The following KIF20B variants were observed in gnomAD, a reference collection of about 807,000 sequenced individuals.
KIF20B encodes kinesin family member 20B.
In KIF20B, 188 loss-of-function variants were observed where a neutral mutation model predicts 232.5. The ratio of observed to expected loss-of-function variants is 0.81; its 90% confidence interval spans 0.72 to 0.91. The LOEUF is 0.91. Among genes scored for constraint, KIF20B ranks in the 40% least tolerant of loss-of-function variants. The pLI, the probability that KIF20B is intolerant of heterozygous loss-of-function variation, is 0.00. For missense variants in KIF20B, 2,154 were observed against 2,055.9 expected, an observed-to-expected ratio of 1.05 and a Z score of -0.92; for synonymous variants, 712 against 683.0, an observed-to-expected ratio of 1.04 and a Z score of -0.66.
chr10:89,730,573 A>G (rs1843296869), intron 18 of KIF20B, among the ~76,000 whole-genome samples: 1 of 152,220 alleles, frequency 6.6e-6, no homozygotes, highest in South Asian at 2.1e-4. Flanking sequence ...GGAAGGGGAC[A>G]GTGGTAGTCA....
chr10:89,771,660 G>A lies in KIF20B; in HGVS notation c.5243-1029G>A, dbSNP rs143831984. ...GCCTTCTTATGGAGGGGAACAGGAGGGGGAACCTTGAAGACGCTTTTCTCC... is the reference window on the plus strand; with the variant it reads ...GCCTTCTTATGGAGGGGAACAGGAGAGGGAACCTTGAAGACGCTTTTCTCC... On this transcript the variant is annotated intron_variant, in intron 31 of 32. Coordinates refer to ENST00000371728, the MANE Select transcript of KIF20B (RefSeq NM_001284259.2). Among the ~76,000 whole-genome samples, 431 of 152,046 alleles carry A rather than the reference G, an allele frequency of 2.8e-3. 2 individuals carry two copies. Among genetic ancestry groups the A allele is most frequent in the African/African-American group, 9.1e-3 (376 of 41,498 alleles).
chr10:89,768,857 A>G lies in KIF20B; in HGVS notation c.5211A>G (p.Leu1737=), dbSNP rs1293376458. The G allele has an allele frequency of 3.7e-6, 6 of 1,603,586 alleles. No homozygotes were observed. Among genetic ancestry groups the G allele is most frequent in the Non-Finnish European group, 5.1e-6 (6 of 1,176,618 alleles). ...CACTACAGAAATTTGGAGACTTCTT[A>G]CAACATTCTCCCTCAATTCTTCAAT... ...EGTLQKFGDF[L]QHSPSILQSK... is the part of the protein sequence containing the mutation. Residue 1737 remains leucine (L), a synonymous_variant, in exon 31 of 33, where the codon TTA becomes TTG. Transcript: ENST00000371728.
At chr10:89,748,507 C>G (rs912312927) in intron 23 of KIF20B, among the ~76,000 whole-genome samples, 3 of 152,200 alleles carry the variant, frequency 2.0e-5, no homozygotes, top group African/African-American at 7.2e-5. Flanking sequence ...GAAAGGGTAA[C>G]ACAACCAGAT....
chr10:89,711,747 C>T (rs1052875385), intron 6 of KIF20B, among the ~76,000 whole-genome samples: 1 of 151,844 alleles, frequency 6.6e-6, no homozygotes, highest in East Asian at 1.9e-4. Context: ...TTTCATTTAG[C>T]GTATCTTAAA....
chr10:89,770,300 C>T (rs1038434171), intron 31 of KIF20B, among the ~76,000 whole-genome samples: 1 of 151,898 alleles, frequency 6.6e-6, no homozygotes, highest in African/African-American at 2.4e-5. Flanking sequence ...AACTTCTGAC[C>T]TATCAGACCC....
rs34163775 is a variant in KIF20B at position 89,711,679 on chromosome 10, A to AT, written c.675+545dup. 4.1e-3 allele frequency among the ~76,000 whole-genome samples: 617 copies of AT among 148,994 alleles called. 5 individuals carry two copies. The highest frequency in any genetic ancestry group is 0.014 in the African/African-American group (566 of 40,860). ...CCTTTGTTTTTATATGTATGATATA[A>AT]TTTTTTTTTTTAAACAAAAAAGAGA... On this transcript the variant is annotated intron_variant, in intron 6 of 32. Coordinates refer to ENST00000371728, the MANE Select transcript of KIF20B (RefSeq NM_001284259.2).
At chr10:89,764,824 A>C (rs1173179558) in intron 29 of KIF20B, among the ~76,000 whole-genome samples, 1 of 151,848 alleles carries the variant, frequency 6.6e-6, no homozygotes, top group Non-Finnish European at 1.5e-5. Context: ...AGGTTGCGAA[A>C]ATTTTCTCCC....
Position 89,742,541 on chromosome 10 carries a change from G to A in KIF20B, c.3916-1267G>A, listed in dbSNP as rs189938396. 1.8e-3 allele frequency among the ~76,000 whole-genome samples: 269 copies of A among 152,174 alleles called. 1 individual carries two copies. The highest frequency in any genetic ancestry group is 6.1e-3 in the African/African-American group (255 of 41,494). On this transcript the variant is annotated intron_variant, in intron 21 of 32. Transcript: ENST00000371728. Reference sequence around the variant, plus strand: ...TAGTTATATAGTTGATGAAGATGGTGTTTATTACTTGAAGCCTCATTTTTT... The same window carrying A: ...TAGTTATATAGTTGATGAAGATGGTATTTATTACTTGAAGCCTCATTTTTT...
In KIF20B at chr10:89,717,663, C is replaced by CTCTGGG. The variant is rs1176118711; in HGVS notation, c.1212_1213insTCTGGG (p.Asn404_Thr405insSerGly). ...GGTTAAGAGAGACTGGGAATATCAA[C>CTCTGGG]ACTTCTTTATTGACTCTGGGAAAGT... On this transcript the variant is annotated inframe_insertion, in exon 11 of 33. Coordinates refer to ENST00000371728, the MANE Select transcript of KIF20B (RefSeq NM_001284259.2). 1 of 1,609,322 alleles carries CTCTGGG rather than the reference C, an allele frequency of 6.2e-7. No individual in the cohort carries two copies.
chr10:89,770,971 T>G (rs917616156), intron 31 of KIF20B, among the ~76,000 whole-genome samples: 5 of 152,082 alleles, frequency 3.3e-5, no homozygotes, highest in African/African-American at 1.2e-4. Flanking sequence ...TTCTACGGTT[T>G]GATAACTAGC....
intron 31 of KIF20B, among the ~76,000 whole-genome samples, chr10:89,771,075 T>C (rs1842452146): frequency 6.6e-6 from 1 of 151,990 alleles, no homozygotes; most frequent in Non-Finnish European, 1.5e-5. Flanking sequence ...TTTCCTGTGC[T>C]TTCTTTTATC....
At chr10:89,756,020 G>A (rs1284516351) in intron 26 of KIF20B, among the ~76,000 whole-genome samples, 1 of 152,070 alleles carries the variant, frequency 6.6e-6, no homozygotes. Flanking sequence ...TTAAAATGAG[G>A]CTGTTGTGAG....
intron 32 of KIF20B, among the ~76,000 whole-genome samples, chr10:89,773,469 C>T (rs1020111659): frequency 4.6e-5 from 7 of 152,016 alleles, no homozygotes; most frequent in African/African-American, 7.2e-5. Context: ...ATGAGATTGA[C>T]ACTTGAATGC....
chr10:89,735,487 C>G (rs1841629613), intron 19 of KIF20B, among the ~76,000 whole-genome samples: 1 of 149,932 alleles, frequency 6.7e-6, no homozygotes, highest in South Asian at 2.1e-4. Flanking sequence ...AAAAATGTAC[C>G]ATATACTTTT....
chr10:89,706,261 T>C (rs551795542), intron 2 of KIF20B, among the ~76,000 whole-genome samples: 1 of 152,282 alleles, frequency 6.6e-6, no homozygotes, highest in Admixed American at 6.5e-5. Flanking sequence ...TCTTGGCCAT[T>C]TTTCTACTTT....
rs146393515 is a variant in KIF20B, at chr10:89,737,506, G to A, written c.2665G>A (p.Ala889Thr). Residue 889 changes from alanine (A) to threonine (T), a missense_variant, in exon 20 of 33, where the codon GCA (alanine) becomes ACA (threonine). Coordinates refer to ENST00000371728, the MANE Select transcript of KIF20B (RefSeq NM_001284259.2). Reference protein sequence around the residue: ...VLQENNEGLRAFLLTIENELK... With the variant: ...VLQENNEGLRTFLLTIENELK... ...ACAAGAAAATAATGAAGGACTGAGA[G>A]CATTTTTACTCACTATTGAGAATGA... The A allele has an allele frequency of 2.4e-5, 39 of 1,610,414 alleles. No individual in the cohort carries two copies. The African/African-American group carries it at 4.8e-4, about 20-fold the overall frequency.
In KIF20B at chr10:89,772,753, T is replaced by C; in HGVS notation, c.5307T>C (p.Asn1769=). 1.2e-6 allele frequency: 2 copies of C among 1,609,508 alleles called. No individual in the cohort carries two copies. Among genetic ancestry groups the C allele is most frequent in the Non-Finnish European group, 1.7e-6 (2 of 1,176,970 alleles). The part of the protein sequence containing the change: ...KLSNVEASKE[N]VSQPKRAKRK... The stretch of plus-strand genomic sequence containing the variant: ...CAAATGTAGAAGCAAGTAAAGAAAA[T>C]GTGTCTCAACCAAAACGAGCCAAAC... Residue 1769 remains asparagine, a synonymous_variant, in exon 32 of 33, where the codon AAT becomes AAC. Transcript: ENST00000371728.
chr10:89,709,185 A>G lies in KIF20B; in HGVS notation c.166A>G (p.Lys56Glu), dbSNP rs758141800. 6.2e-6 allele frequency: 10 copies of G among 1,606,992 alleles called. No individual in the cohort carries two copies. The South Asian group carries it at 1.0e-4, about 16-fold the overall frequency. Residue 56 changes from lysine to glutamate, a missense_variant, in exon 3 of 33, where the codon AAA becomes GAA. By Grantham distance (56) the Lys-to-Glu change is moderately conservative (BLOSUM62 1). Transcript: ENST00000371728. ...PNTEANSFESKDYLQVCLRIR... is the reference protein window; with the variant it reads ...PNTEANSFESEDYLQVCLRIR... ...TTTTAAGGCAAACAGTTTCGAATCT[A>G]AAGATTATCTCCAGGTTTGTCTTCG...
At chr10:89,727,069 C>A (rs960767185) in intron 16 of KIF20B, among the ~76,000 whole-genome samples, 4 of 152,002 alleles carry the variant, frequency 2.6e-5, no homozygotes, top group Non-Finnish European at 5.9e-5. Flanking sequence ...GCCTCGGCCT[C>A]CCAAAGTGCT....
Sources: gnomAD v4.1 joint callset for allele counts (sites outside exome capture counted in the v4.1 genomes callset) on GRCh38, gnomAD v4.1.1 for gene constraint, MANE v1.5 for transcripts, NCBI Gene and HGNC (gene_info 2026-07-23, HGNC 2026-07-21) for gene names.